The following POLR2F variants were observed in gnomAD, a reference collection of about 807,000 sequenced individuals.
The protein encoded by POLR2F is DNA-directed RNA polymerases I, II, and III subunit RPABC2.
A neutral mutation model predicts 22.7 loss-of-function variants in POLR2F; 12 were observed. The ratio of observed to expected loss-of-function variants is 0.53; its 90% CI spans 0.34 to 0.86. The LOEUF is 0.86. POLR2F is among the 40% of genes least tolerant of loss of function. The pLI is 0.02. For missense variants in POLR2F, 126 were observed against 171.5 expected, an observed-to-expected ratio of 0.73 and a Z score of 1.48; for synonymous variants, 57 against 66.0, an observed-to-expected ratio of 0.86 and a Z score of 0.66.
chr22:38,000,589 A>C (rs2084760308), intron 1 of POLR2F, among the ~76,000 whole-genome samples: 1 of 152,204 alleles, frequency 6.6e-6, no homozygotes, highest in African/African-American at 2.4e-5. Flanking sequence ...CAGTCTGTGC[A>C]GGGCACTAGG....
At chr22:37,969,679 G>C (rs763871096), downstream of POLR2F, among the ~76,000 whole-genome samples, 1 of 152,220 alleles carries the variant, frequency 6.6e-6, no homozygotes, top group Non-Finnish European at 1.5e-5. Context: ...GAAGGGGAAA[G>C]GGTGGGTTGT....
chr22:37,972,877 C>G (rs2145759354), downstream of POLR2F: 1 of 153,330 alleles, frequency 6.5e-6, no homozygotes, highest in South Asian at 2.1e-4. Context: ...ATCAGGGGGC[C>G]TCTGTGCCAA....
chr22:37,954,416 C>A (rs778703925), intron 1 of POLR2F, among the ~76,000 whole-genome samples: 5 of 152,064 alleles, frequency 3.3e-5, no homozygotes, highest in African/African-American at 7.2e-5. Context: ...GATTCTCCTG[C>A]CTCAGCCTCC....
intron 1 of POLR2F, among the ~76,000 whole-genome samples, chr22:38,024,140 G>A (rs936806317): frequency 7.9e-5 from 12 of 152,110 alleles, no homozygotes; most frequent in African/African-American, 2.7e-4. Flanking sequence ...CACAGCGCCT[G>A]GCCCTGTCTC....
chr22:37,971,085 T>C (rs373448368), downstream of POLR2F: 1 of 373,610 alleles, frequency 2.7e-6, no homozygotes. Flanking sequence ...GACTAGGGGC[T>C]GGAGACCGCA....
chr22:37,978,567 G>A lies in POLR2F; in HGVS notation c.293+11397G>A, dbSNP rs575012054. 2.0e-5 allele frequency among the ~76,000 whole-genome samples: 3 copies of A among 152,352 alleles called. No homozygotes were observed. Among genetic ancestry groups the A allele is most frequent in the Non-Finnish European group, 2.9e-5 (2 of 68,038 alleles). ...TGAGGGTGGGCAATAGAAGCAGCATGGCTGGGGGAGAACTCAGTCTCTGCT... is the reference window on the plus strand; with the variant it reads ...TGAGGGTGGGCAATAGAAGCAGCATAGCTGGGGGAGAACTCAGTCTCTGCT... On this transcript the variant is annotated intron_variant, in intron 4 of 4. Transcript: ENST00000405557. The surrounding 1 kb of genome is among the most constrained non-coding windows in gnomAD (Gnocchi z 5.0).
At position 38,035,111 on chromosome 22, in the gene POLR2F, G is replaced by C. The variant is rs546722739; in HGVS notation, c.453-5957G>C. ...TTGCTTCTTCCAGGAAGCCTTCCCT[G>C]CTCTCTGCCATAGCCATCTCTCTCT... is the stretch of plus-strand genomic sequence containing the variant. On this transcript the variant is annotated intron_variant, in intron 5 of 5. Transcript: ENST00000407936. 3.3e-5 allele frequency among the ~76,000 whole-genome samples: 5 copies of C among 150,106 alleles called. No individual in the cohort carries two copies. The South Asian group carries it at 1.1e-3, about 32-fold the overall frequency.
chr22:37,973,637 C>T, downstream of POLR2F: 1 of 1,613,790 alleles, frequency 6.2e-7, no homozygotes, highest in Non-Finnish European at 8.5e-7. Context: ...CGAGTAGAGG[C>T]CAGAGGCCTG....
intron 1 of POLR2F, chr22:38,025,523 T>G: frequency 7.0e-7 from 1 of 1,428,448 alleles, no homozygotes; most frequent in Non-Finnish European, 9.2e-7. Flanking sequence ...ACAAATTCCC[T>G]GATCGTCCCC....
intron 4 of POLR2F, chr22:37,977,812 T>A: frequency 6.4e-7 from 1 of 1,560,188 alleles, no homozygotes; most frequent in Non-Finnish European, 8.7e-7. Flanking sequence ...TCCAGCCATC[T>A]CCTGTCTCCA....
At chr22:37,958,186 ACTT>A (rs1931476957) in intron 2 of POLR2F, among the ~76,000 whole-genome samples, 1 of 144,664 alleles carries the variant, frequency 6.9e-6, no homozygotes, top group Non-Finnish European at 1.5e-5. Context: ...CTCAGAGTCA[ACTT>A]TTTTTTTTTT....
At chr22:37,995,109 A>C (rs1393883019) in intron 1 of POLR2F, among the ~76,000 whole-genome samples, 12 of 152,280 alleles carry the variant, frequency 7.9e-5, no homozygotes, top group Admixed American at 6.5e-4. Context: ...GATCTTGGGG[A>C]AGCCAGCCAC....
upstream of POLR2F, chr22:37,984,595 G>C (rs1201928038): frequency 6.6e-6 from 1 of 151,778 alleles, no homozygotes; most frequent in Non-Finnish European, 1.5e-5. The surrounding 1 kb of genome is among the most constrained non-coding windows in gnomAD (Gnocchi z 4.4). Flanking sequence ...AGGAAGGAGG[G>C]GGAGAGGGGG....
chr22:37,987,295 C>G (rs370289612), intron 1 of POLR2F: 1 of 456,652 alleles, frequency 2.2e-6, no homozygotes, highest in Non-Finnish European at 4.4e-6. Flanking sequence ...AGGCAGGTCC[C>G]GGATTTACTC....
At position 37,967,770 on chromosome 22, in the gene POLR2F, A is replaced by G. The variant is rs553116058; in HGVS notation, c.*55A>G. ...TGCCCAATTTTCATTCTCACTTTAT[A>G]TGTGTAAATAATAAAATATTCAACT... On this transcript the variant is annotated 3_prime_UTR_variant, in exon 5 of 5. Coordinates refer to ENST00000442738, the MANE Select transcript of POLR2F (RefSeq NM_021974.5). 5.8e-6 allele frequency: 9 copies of G among 1,565,018 alleles called. No individual in the cohort carries two copies. The highest frequency in any genetic ancestry group is 2.3e-5 in the East Asian group (1 of 43,876).
intron 3 of POLR2F, among the ~76,000 whole-genome samples, chr22:37,961,271 T>C (rs906761376): frequency 8.5e-5 from 13 of 152,124 alleles, no homozygotes; most frequent in Admixed American, 8.5e-4. Context: ...TTGCCCAGGC[T>C]GGTCTTGAAC....
At chr22:38,002,082 T>C (rs1158886914) in intron 1 of POLR2F, among the ~76,000 whole-genome samples, 1 of 152,010 alleles carries the variant, frequency 6.6e-6, no homozygotes, top group Non-Finnish European at 1.5e-5. Context: ...ACTCCTGACC[T>C]CGGGTGATCC....
At chr22:38,018,716 C>T (rs1418305116) in intron 1 of POLR2F, among the ~76,000 whole-genome samples, 1 of 152,172 alleles carries the variant, frequency 6.6e-6, no homozygotes, top group Non-Finnish European at 1.5e-5. Context: ...ATGGTAGACC[C>T]CAGTCTCTGG....
At chr22:38,037,187 G>T (rs2145836531) in intron 5 of POLR2F, among the ~76,000 whole-genome samples, 1 of 152,308 alleles carries the variant, frequency 6.6e-6, no homozygotes, top group African/African-American at 2.4e-5. Flanking sequence ...CATGGCCACT[G>T]CTCAATCAGT....
Sources: gnomAD v4.1 joint callset for allele counts (sites outside exome capture counted in the v4.1 genomes callset) on GRCh38, gnomAD v4.1.1 for gene constraint, Gnocchi (gnomAD v3.1) non-coding constraint, MANE v1.5 for transcripts, NCBI Gene and HGNC (gene_info 2026-07-23, HGNC 2026-07-21) for gene names.